The following DYNC1I1 variants were observed in gnomAD, a reference collection of about 807,000 sequenced individuals.
DYNC1I1 encodes the protein dynein cytoplasmic 1 intermediate chain 1, also known as cytoplasmic dynein 1 intermediate chain 1.
A neutral mutation model predicts 86.6 loss-of-function variants in DYNC1I1; 43 were observed. That is an observed-to-expected ratio of 0.50 (90% CI 0.39 to 0.64). The LOEUF (loss-of-function observed/expected upper bound fraction) is 0.64. DYNC1I1 is among the 30% of genes least tolerant of loss of function. The pLI is 0.00. For missense variants in DYNC1I1, 604 were observed against 788.8 expected (o/e 0.77, Z 2.81); for synonymous variants, 262 against 283.7 (o/e 0.92, Z 0.77).
intron 1 of DYNC1I1, among the ~76,000 whole-genome samples, chr7:95,785,323 A>T (rs1794101536): frequency 6.6e-6 from 1 of 152,178 alleles, no homozygotes; most frequent in Admixed American, 6.5e-5. Context: ...CTGAGGTGGG[A>T]TGATCACTTG....
Position 96,103,549 on chromosome 7 carries a change from A to G in DYNC1I1, c.1543-6430A>G, listed in dbSNP as rs943551536. ...TTAACTCCTCCATTCAAAGCATACCAATGGCTTTCACATCACTTGCAATAA... is the reference window on the plus strand; with the variant it reads ...TTAACTCCTCCATTCAAAGCATACCGATGGCTTTCACATCACTTGCAATAA... On this transcript the variant is annotated intron_variant, in intron 16 of 16. Coordinates refer to the DYNC1I1 transcript ENST00000537881. 2.0e-5 allele frequency among the ~76,000 whole-genome samples: 3 copies of G among 152,174 alleles called. No individual in the cohort carries two copies. In the East Asian group the frequency reaches 5.8e-4, roughly 29 times the overall value.
intron 5 of DYNC1I1, among the ~76,000 whole-genome samples, chr7:95,860,156 C>T (rs968415654): frequency 3.9e-5 from 6 of 152,266 alleles, no homozygotes; most frequent in Non-Finnish European, 8.8e-5. Context: ...TTGCTCCACC[C>T]CTCTCTTACC....
chr7:96,034,213 C>T (rs1448851125), intron 12 of DYNC1I1, among the ~76,000 whole-genome samples: 1 of 152,048 alleles, frequency 6.6e-6, no homozygotes, highest in African/African-American at 2.4e-5. Context: ...ACTATTTTCG[C>T]TGATCTTTAA....
chr7:95,921,730 A>T (rs567367143), intron 6 of DYNC1I1, among the ~76,000 whole-genome samples: 1 of 152,324 alleles, frequency 6.6e-6, no homozygotes, highest in South Asian at 2.1e-4. Flanking sequence ...CACACAACTC[A>T]TGATGAATAT....
downstream of DYNC1I1, among the ~76,000 whole-genome samples, chr7:96,099,923 A>C (rs1336847641): frequency 2.0e-5 from 3 of 152,194 alleles, no homozygotes; most frequent in African/African-American, 7.2e-5. Context: ...TGAGACTTCC[A>C]GGCCACACAG....
chr7:95,811,965 A>T (rs1794840617), intron 3 of DYNC1I1, among the ~76,000 whole-genome samples: 1 of 152,172 alleles, frequency 6.6e-6, no homozygotes, highest in Non-Finnish European at 1.5e-5. Context: ...AACAAAACAG[A>T]TTAACATCTC....
At chr7:95,869,643 C>CA (rs1318734768) in intron 5 of DYNC1I1, among the ~76,000 whole-genome samples, 2 of 152,134 alleles carry the variant, frequency 1.3e-5, no homozygotes, top group African/African-American at 2.4e-5. Flanking sequence ...CAAGACTTTA[C>CA]AGATAGGAAA....
At chr7:95,914,540 T>A (rs1293742565) in intron 6 of DYNC1I1, among the ~76,000 whole-genome samples, 2 of 152,222 alleles carry the variant, frequency 1.3e-5, no homozygotes, top group East Asian at 3.8e-4. Context: ...ATGTTCCTTT[T>A]TAAATGTGAT....
At chr7:95,777,074 C>G (rs927882760) in intron 1 of DYNC1I1, among the ~76,000 whole-genome samples, 4 of 151,794 alleles carry the variant, frequency 2.6e-5, no homozygotes, top group African/African-American at 9.7e-5. Flanking sequence ...TGTGGGACAC[C>G]AAAAAAAGTA....
intron 14 of DYNC1I1, among the ~76,000 whole-genome samples, chr7:96,062,739 A>T (rs550087886): frequency 6.6e-6 from 1 of 151,902 alleles, no homozygotes; most frequent in African/African-American, 2.4e-5. Context: ...CTCCCAACTC[A>T]CTCCCCATCT....
At chr7:95,797,059 A>G (rs762630936) in intron 1 of DYNC1I1, among the ~76,000 whole-genome samples, 1 of 152,134 alleles carries the variant, frequency 6.6e-6, no homozygotes, top group Non-Finnish European at 1.5e-5. Context: ...TGTCCTTCAT[A>G]AAGCAGAAAA....
At chr7:95,985,159 T>C (rs536736803) in intron 8 of DYNC1I1, among the ~76,000 whole-genome samples, 182 bp downstream of exon 8, 1 of 152,308 alleles carries the variant, frequency 6.6e-6, no homozygotes. Flanking sequence ...TAGAGCGTCC[T>C]TGTAATTATC....
chr7:95,823,986 GTTTTTTGTTTTTTT>G (rs1286897778), intron 4 of DYNC1I1, among the ~76,000 whole-genome samples: 7 of 59,860 alleles, frequency 1.2e-4, no homozygotes, highest in Non-Finnish European at 2.0e-4. Flanking sequence ...ATATGTTTTG[GTTTTTTGTTTTTTT>G]TTTTTTTTTT....
At chr7:96,108,879 A>G (rs1272794581) in intron 16 of DYNC1I1, among the ~76,000 whole-genome samples, 2 of 150,750 alleles carry the variant, frequency 1.3e-5, no homozygotes, top group African/African-American at 4.9e-5. Flanking sequence ...AAAAAAAAAG[A>G]TTTTTAAGCT....
At chr7:96,003,997 T>C (rs1297704627) in intron 10 of DYNC1I1, among the ~76,000 whole-genome samples, 1 of 152,234 alleles carries the variant, frequency 6.6e-6, no homozygotes, top group Non-Finnish European at 1.5e-5. Flanking sequence ...CTGGAATAAA[T>C]AAATAATGTG....
At position 95,998,562 on chromosome 7, in the gene DYNC1I1, A is replaced by T. The variant is rs114352377; in HGVS notation, c.969+2489A>T. ...ATTTATTACAACTGGTCATTTCTAG[A>T]CACTAACTCAGGGAAATCACGTCGT... On this transcript the variant is annotated intron_variant, in intron 10 of 16. Transcript: ENST00000447467. Among the ~76,000 whole-genome samples the T allele has an allele frequency of 8.5e-3, 1,300 of 152,310 alleles. 25 individuals carry two copies. Among genetic ancestry groups the T allele is most frequent in the African/African-American group, 0.03 (1,233 of 41,560 alleles).
chr7:95,801,228 ATATAATCTTTTTT>A lies in DYNC1I1; in HGVS notation c.-9-3490_-9-3478del, dbSNP rs148408562. ...ATATTATTTGGATCATCACTACCTA[ATATAATCTTTTTT>A]TAAGTTCCCTCAATGTTTTTATTGT... On this transcript the variant is annotated intron_variant, in intron 1 of 16. Coordinates refer to ENST00000447467, the MANE Select transcript of DYNC1I1 (RefSeq NM_001135556.2). Among the ~76,000 whole-genome samples the A allele has an allele frequency of 6.2e-3, 947 of 152,270 alleles. 16 individuals carry two copies. The highest frequency in any genetic ancestry group is 0.022 in the African/African-American group (913 of 41,548).
At chr7:96,080,927 G>A (rs911627954) in intron 16 of DYNC1I1, among the ~76,000 whole-genome samples, 3 of 151,758 alleles carry the variant, frequency 2.0e-5, no homozygotes, top group Non-Finnish European at 4.4e-5. Context: ...AAAATTAGTC[G>A]GGCATGGTGG....
chr7:96,016,721 G>C (rs1320457661), intron 10 of DYNC1I1, among the ~76,000 whole-genome samples: 2 of 152,172 alleles, frequency 1.3e-5, no homozygotes, highest in African/African-American at 4.8e-5. Flanking sequence ...CACAGATTAA[G>C]AAGCTGGCTC....
Sources: gnomAD v4.1 joint callset for allele counts (sites outside exome capture counted in the v4.1 genomes callset) on GRCh38, gnomAD v4.1.1 for gene constraint, MANE v1.5 for transcripts, NCBI Gene and HGNC (gene_info 2026-07-23, HGNC 2026-07-21) for gene names.